DYNC1I1: variants seen among roughly 807,000 people sequenced by gnomAD.
DYNC1I1 encodes the protein cytoplasmic dynein 1 intermediate chain 1.
A neutral mutation model predicts 86.6 loss-of-function variants in DYNC1I1; 43 were observed. The observed-to-expected ratio is 0.50, with a 90% CI of 0.39 to 0.64. DYNC1I1 has a LOEUF of 0.64. DYNC1I1 is among the 30% of genes least tolerant of loss of function. The pLI, the probability that DYNC1I1 is intolerant of heterozygous loss-of-function variation, is 0.00. For synonymous variants in DYNC1I1, 262 were observed against 283.7 expected (o/e 0.92, Z 0.77); for missense variants, 604 against 788.8 (o/e 0.77, Z 2.81).
chr7:95,870,539 C>A (rs1382650940), intron 6 of DYNC1I1, among the ~76,000 whole-genome samples: 1 of 152,204 alleles, frequency 6.6e-6, no homozygotes, highest in African/African-American at 2.4e-5. Context: ...TATAACCTGG[C>A]CCTTTACAGA....
chr7:96,070,775 G>A (rs1317083157), intron 14 of DYNC1I1, among the ~76,000 whole-genome samples: 1 of 152,118 alleles, frequency 6.6e-6, no homozygotes, highest in East Asian at 1.9e-4. Context: ...AATCCTATTG[G>A]GATGCCTAGA....
intron 6 of DYNC1I1, among the ~76,000 whole-genome samples, chr7:95,947,266 G>A (rs1440264652): frequency 6.6e-6 from 1 of 152,152 alleles, no homozygotes; most frequent in Non-Finnish European, 1.5e-5. Context: ...TCACGTCAGT[G>A]TTTCTGTAAA....
chr7:95,919,966 C>G (rs1425609826), intron 6 of DYNC1I1, among the ~76,000 whole-genome samples: 1 of 152,088 alleles, frequency 6.6e-6, no homozygotes, highest in Non-Finnish European at 1.5e-5. Context: ...ATAGACAAAT[C>G]TCCCATACAG....
intron 14 of DYNC1I1, among the ~76,000 whole-genome samples, chr7:96,049,011 G>A (rs1188681886): frequency 6.6e-6 from 1 of 152,124 alleles, no homozygotes; most frequent in Non-Finnish European, 1.5e-5. Flanking sequence ...TGTAGTCCCA[G>A]CACTTTGAGA....
At chr7:95,776,025 C>A (rs1356326645) in intron 1 of DYNC1I1, among the ~76,000 whole-genome samples, 1 of 152,108 alleles carries the variant, frequency 6.6e-6, no homozygotes, top group Non-Finnish European at 1.5e-5. Context: ...GCAGACCAAT[C>A]ACTTGAGGCC....
In DYNC1I1 at chr7:96,043,149, C is replaced by T. The variant is rs989803259; in HGVS notation, c.1509+3728C>T. Among the ~76,000 whole-genome samples, 13 of 133,134 alleles carry T rather than the reference C, an allele frequency of 9.8e-5. No individual in the cohort carries two copies. In the Admixed American group the frequency reaches 1.1e-3, roughly 11 times the overall value. The allele number at this position is 133,134 out of a possible 152,430, so 87.3% of individuals were successfully genotyped here. On this transcript the variant is annotated intron_variant, in intron 14 of 16. Transcript: ENST00000447467. ...GTGCCACTGCACTCCAACCTGGTGA[C>T]AGAGTGAGACTCCATCTCAAAAAAA...
At chr7:96,007,098 G>A (rs1794160108) in intron 10 of DYNC1I1, among the ~76,000 whole-genome samples, 1 of 152,114 alleles carries the variant, frequency 6.6e-6, no homozygotes, top group African/African-American at 2.4e-5. Context: ...CTTTTAGTTA[G>A]CAAGTACTCT....
chr7:95,938,375 G>A lies in DYNC1I1; in HGVS notation c.491-39137G>A, dbSNP rs556461317. On this transcript the variant is annotated intron_variant, in intron 6 of 16. Transcript: ENST00000447467. ...CAATTGCTTGCAACTACATTGCATT[G>A]TAGGTAATCCAATAAAGAATTTCTT... 5.3e-5 allele frequency among the ~76,000 whole-genome samples: 8 copies of A among 152,266 alleles called. No homozygotes were observed. The South Asian group carries it at 8.3e-4, about 16-fold the overall frequency.
intron 13 of DYNC1I1, 58 bp from the exon 14 acceptor site, chr7:96,039,219 A>T: frequency 6.5e-7 from 1 of 1,545,788 alleles, no homozygotes; most frequent in Non-Finnish European, 8.7e-7. Context: ...TTTGTTTTTA[A>T]GCAATCATTG....
At chr7:95,898,439 G>T (rs577590778) in intron 6 of DYNC1I1, among the ~76,000 whole-genome samples, 1 of 152,228 alleles carries the variant, frequency 6.6e-6, no homozygotes, top group East Asian at 1.9e-4. Flanking sequence ...CATCCCTTCT[G>T]TTCCCCCATA....
chr7:95,987,857 A>G lies in DYNC1I1; in HGVS notation c.843+702A>G, dbSNP rs530198198. ...ACCTGTTATATGATCTGTATGTTAA[A>G]GGCACCACAATATACCCAAAAGCCT... is the stretch of plus-strand genomic sequence containing the variant. On this transcript the variant is annotated intron_variant, in intron 9 of 16. Transcript: ENST00000447467. Among the ~76,000 whole-genome samples the G allele has an allele frequency of 4.0e-4, 61 of 152,336 alleles. No homozygotes were observed. The South Asian group carries it at 6.6e-3, about 17-fold the overall frequency.
Position 96,028,337 on chromosome 7 carries a change from G to A in DYNC1I1, c.1116+16G>A, listed in dbSNP as rs754978607. ...TGCACACACGGTAATGCAAACTTTTGCCATATCCCTGTGAGCCGCCAGGCC... is the reference window on the plus strand; with the variant it reads ...TGCACACACGGTAATGCAAACTTTTACCATATCCCTGTGAGCCGCCAGGCC... On this transcript the variant is annotated intron_variant, in intron 11 of 16. Coordinates refer to ENST00000447467, the MANE Select transcript of DYNC1I1 (RefSeq NM_001135556.2). 1.4e-5 allele frequency: 22 copies of A among 1,582,510 alleles called. No homozygotes were observed. The African/African-American group carries it at 1.7e-4, about 13-fold the overall frequency.
chr7:95,822,978 G>C (rs888842686), intron 4 of DYNC1I1, among the ~76,000 whole-genome samples: 1 of 152,172 alleles, frequency 6.6e-6, no homozygotes, highest in South Asian at 2.1e-4. Flanking sequence ...AGCTGTCGTA[G>C]TTAAACATTC....
At chr7:96,052,486 A>C (rs371337273) in intron 14 of DYNC1I1, among the ~76,000 whole-genome samples, 11 of 152,208 alleles carry the variant, frequency 7.2e-5, no homozygotes, top group Admixed American at 2.0e-4. Flanking sequence ...CAGTTTAGTC[A>C]TCTCTAAAAT....
At chr7:95,897,796 T>C (rs979155027) in intron 6 of DYNC1I1, among the ~76,000 whole-genome samples, 2 of 151,880 alleles carry the variant, frequency 1.3e-5, no homozygotes, top group Admixed American at 6.6e-5. Flanking sequence ...TTTACCCTTG[T>C]AGAGAGATAA....
At chr7:95,954,353 G>A (rs542163156) in intron 6 of DYNC1I1, among the ~76,000 whole-genome samples, 1 of 151,534 alleles carries the variant, frequency 6.6e-6, no homozygotes, top group African/African-American at 2.4e-5. Context: ...CTCAGTTTAC[G>A]CTAGCCTCAC....
rs3138829 is a variant in DYNC1I1, at chr7:95,986,023, CGTGTGTGT to C, written c.744-1000_744-993del. On this transcript the variant is annotated intron_variant, in intron 8 of 16. Transcript: ENST00000447467. Reference sequence around the variant, plus strand: ...GTATTATCCTAGGCTCCTGGCAGGACGTGTGTGTGTGTGTGTGTGTGTGTGTGTGTGTG... The same window carrying C: ...GTATTATCCTAGGCTCCTGGCAGGACGTGTGTGTGTGTGTGTGTGTGTGTG... 2.8e-3 allele frequency among the ~76,000 whole-genome samples: 370 copies of C among 132,734 alleles called. 6 individuals are homozygous for C. The highest frequency in any genetic ancestry group is 0.028 in the East Asian group (110 of 3,998). 87.1% of individuals were successfully genotyped at this position (132,734 alleles called of 152,430 possible).
intron 1 of DYNC1I1, among the ~76,000 whole-genome samples, chr7:95,787,118 A>G (rs1794169166): frequency 6.6e-6 from 1 of 152,178 alleles, no homozygotes; most frequent in Non-Finnish European, 1.5e-5. Flanking sequence ...CATGCAACCC[A>G]ATGTAAGTAT....
intron 1 of DYNC1I1, among the ~76,000 whole-genome samples, chr7:95,787,708 G>T (rs1460364762): frequency 6.6e-6 from 1 of 152,124 alleles, no homozygotes; most frequent in Non-Finnish European, 1.5e-5. Context: ...TTCATTGGAG[G>T]TTAACGTCTA....
Sources: allele counts gnomAD v4.1 joint callset (sites outside exome capture counted in the v4.1 genomes callset), GRCh38; gene constraint gnomAD v4.1.1; transcripts MANE v1.5; gene names NCBI Gene and HGNC (gene_info 2026-07-23, HGNC 2026-07-21).